Variants in CNTNAP2 observed in about 807,000 individuals in gnomAD.
CNTNAP2 encodes contactin-associated protein-like 2.
Under a neutral mutation model 155.2 loss-of-function variants are expected in CNTNAP2, and 98 were observed. That is an observed-to-expected ratio of 0.63 (90% CI 0.54 to 0.75). The LOEUF is 0.75. CNTNAP2 is among the 30% of genes least tolerant of loss of function. CNTNAP2 has a pLI of 0.00. For synonymous variants in CNTNAP2, 651 were observed against 631.2 expected, an observed-to-expected ratio of 1.03 and a Z score of -0.47; for missense variants, 1,727 against 1,688.1, an observed-to-expected ratio of 1.02 and a Z score of -0.40.
chr7:146,943,729 C>T (rs1452691601), intron 3 of CNTNAP2, among the ~76,000 whole-genome samples: 2 of 152,096 alleles, frequency 1.3e-5, no homozygotes, highest in Non-Finnish European at 2.9e-5. Flanking sequence ...TCACTAGTGG[C>T]ACCTTGTATG....
At chr7:146,807,024 A>G (rs1802979884) in intron 2 of CNTNAP2, among the ~76,000 whole-genome samples, 1 of 152,232 alleles carries the variant, frequency 6.6e-6, no homozygotes, top group Admixed American at 6.5e-5. Flanking sequence ...CCTTAAATGA[A>G]AAAATGAATA....
At chr7:146,934,549 GTAAC>G (rs1445076727) in intron 3 of CNTNAP2, among the ~76,000 whole-genome samples, 3 of 151,920 alleles carry the variant, frequency 2.0e-5, no homozygotes, top group South Asian at 2.1e-4. Context: ...GTATACATAT[GTAAC>G]TAACCTGCAC....
intron 8 of CNTNAP2, among the ~76,000 whole-genome samples, chr7:147,251,971 AAAC>A (rs1400834041): frequency 6.6e-6 from 1 of 152,214 alleles, no homozygotes; most frequent in Non-Finnish European, 1.5e-5. Flanking sequence ...TAATAAAAAA[AAAC>A]AGCAAGGAGT....
intron 21 of CNTNAP2, among the ~76,000 whole-genome samples, chr7:148,382,608 G>T (rs984331427): frequency 7.9e-5 from 12 of 152,200 alleles, no homozygotes; most frequent in Non-Finnish European, 1.5e-4. Context: ...AGAAGAACAA[G>T]GCACTTTATC....
At chr7:146,928,728 C>T (rs1396434156) in intron 3 of CNTNAP2, among the ~76,000 whole-genome samples, 1 of 152,210 alleles carries the variant, frequency 6.6e-6, no homozygotes, top group African/African-American at 2.4e-5. Flanking sequence ...GGGTCACTCC[C>T]ACCCTAATAC....
At chr7:146,864,482 A>G (rs1585128006) in intron 3 of CNTNAP2, among the ~76,000 whole-genome samples, 1 of 152,186 alleles carries the variant, frequency 6.6e-6, no homozygotes, top group South Asian at 2.1e-4. Context: ...TGCAGCACTT[A>G]ATGTTAAACA....
intron 21 of CNTNAP2, among the ~76,000 whole-genome samples, chr7:148,293,624 C>T (rs1331528305): frequency 2.0e-5 from 3 of 152,146 alleles, no homozygotes. Context: ...CATTTTTCAT[C>T]TTCTTATCCC....
At position 147,790,265 on chromosome 7, in the gene CNTNAP2, A is replaced by G. The variant is rs578073475; in HGVS notation, c.2099-113300A>G. On this transcript the variant is annotated intron_variant, in intron 13 of 23. Transcript: ENST00000361727. ...CAGCCCTGCTCACTTTCTTCAACAT[A>G]TATATCACTATCCGAAAGTATTGAT... 5.1e-4 allele frequency among the ~76,000 whole-genome samples: 78 copies of G among 152,162 alleles called. 1 individual carries two copies. Among genetic ancestry groups the G allele is most frequent in the African/African-American group, 1.8e-3 (75 of 41,522 alleles).
At chr7:147,783,733 AG>A (rs1168666192) in intron 13 of CNTNAP2, among the ~76,000 whole-genome samples, 1 of 152,198 alleles carries the variant, frequency 6.6e-6, no homozygotes, top group African/African-American at 2.4e-5. Context: ...AAATGGGATT[AG>A]TGCCCTTATA....
chr7:148,279,889 A>C (rs1796941555), intron 21 of CNTNAP2, among the ~76,000 whole-genome samples: 1 of 152,254 alleles, frequency 6.6e-6, no homozygotes, highest in African/African-American at 2.4e-5. Context: ...TTACATACCC[A>C]ATGATCCCAT....
chr7:147,914,162 A>G (rs1800117733), intron 14 of CNTNAP2, among the ~76,000 whole-genome samples: 1 of 152,196 alleles, frequency 6.6e-6, no homozygotes, highest in Non-Finnish European at 1.5e-5. Context: ...AAACACTTGC[A>G]CAGAAAGATG....
At chr7:148,255,847 C>T (rs1796445432) in intron 20 of CNTNAP2, among the ~76,000 whole-genome samples, 1 of 152,150 alleles carries the variant, frequency 6.6e-6, no homozygotes, top group Non-Finnish European at 1.5e-5. Flanking sequence ...GAGCCTTAAG[C>T]ATTTCTGGGA....
At chr7:148,206,567 C>G (rs971515970) in intron 18 of CNTNAP2, among the ~76,000 whole-genome samples, 4 of 152,162 alleles carry the variant, frequency 2.6e-5, no homozygotes, top group African/African-American at 9.7e-5. Context: ...GTACATCACC[C>G]CACATTTAAT....
chr7:146,882,061 A>T (rs1795563077), intron 3 of CNTNAP2, among the ~76,000 whole-genome samples: 1 of 151,972 alleles, frequency 6.6e-6, no homozygotes, highest in Non-Finnish European at 1.5e-5. Flanking sequence ...GAAGATACGC[A>T]GTATTTGGTT....
chr7:148,158,716 A>G (rs1805454170), intron 17 of CNTNAP2, among the ~76,000 whole-genome samples: 4 of 152,116 alleles, frequency 2.6e-5, no homozygotes. Context: ...TGCTTCAGGA[A>G]CTCTGGTCTT....
chr7:148,042,696 C>G (rs1326024141), intron 15 of CNTNAP2, among the ~76,000 whole-genome samples: 2 of 152,206 alleles, frequency 1.3e-5, no homozygotes, highest in African/African-American at 4.8e-5. Context: ...CCATGCCTGG[C>G]CCAGCTGACT....
At chr7:147,271,328 A>C (rs1804749644) in intron 8 of CNTNAP2, among the ~76,000 whole-genome samples, 1 of 152,134 alleles carries the variant, frequency 6.6e-6, no homozygotes, top group African/African-American at 2.4e-5. Flanking sequence ...AGCAACCTCT[A>C]AAATGTTCTC....
At chr7:147,756,349 G>A (rs1481288954) in intron 13 of CNTNAP2, among the ~76,000 whole-genome samples, 1 of 119,914 alleles carries the variant, frequency 8.3e-6, no homozygotes, top group Non-Finnish European at 1.6e-5. Context: ...ATGATAGCAA[G>A]TCTTGTAGTT....
chr7:147,469,216 C>G (rs556671202), intron 10 of CNTNAP2, among the ~76,000 whole-genome samples: 2 of 152,270 alleles, frequency 1.3e-5, no homozygotes, highest in Non-Finnish European at 2.9e-5. Context: ...GCACAAAACC[C>G]TCAAGCCAGC....
Sources: allele counts gnomAD v4.1 joint callset (sites outside exome capture counted in the v4.1 genomes callset), GRCh38; gene constraint gnomAD v4.1.1; transcripts MANE v1.5; gene names NCBI Gene and HGNC (gene_info 2026-07-23, HGNC 2026-07-21).